The following SDK1 variants were observed in gnomAD, a reference collection of about 807,000 sequenced individuals.
SDK1 encodes protein sidekick-1.
A neutral mutation model predicts 245.5 loss-of-function variants in SDK1; 157 were observed. The ratio of observed to expected loss-of-function variants is 0.64; its 90% CI spans 0.56 to 0.73. SDK1 has a LOEUF of 0.73. SDK1 is among the 30% of genes least tolerant of loss of function. SDK1 has a pLI of 0.00. For synonymous variants in SDK1, 1,647 were observed against 1,278.5 expected, an observed-to-expected ratio of 1.29 and a Z score of -6.15; for missense variants, 3,583 against 3,002.3, an observed-to-expected ratio of 1.19 and a Z score of -4.52.
At chr7:3,896,637 C>CT (rs1399253909) in intron 5 of SDK1, among the ~76,000 whole-genome samples, 1 of 152,208 alleles carries the variant, frequency 6.6e-6, no homozygotes, top group Non-Finnish European at 1.5e-5. Context: ...GAGCTGGACA[C>CT]TCTTTTGTTT....
chr7:3,487,458 A>C (rs1024682397), intron 1 of SDK1, among the ~76,000 whole-genome samples: 1 of 152,062 alleles, frequency 6.6e-6, no homozygotes, highest in Non-Finnish European at 1.5e-5. Flanking sequence ...AGAAATTGCA[A>C]TGGCTGTGCA....
At chr7:3,641,747 C>T (rs544326430) in intron 3 of SDK1, among the ~76,000 whole-genome samples, 11 of 152,344 alleles carry the variant, frequency 7.2e-5, no homozygotes, top group East Asian at 1.9e-4. Flanking sequence ...GAATGTGCAG[C>T]GTGGGCGCTT....
intron 2 of SDK1, among the ~76,000 whole-genome samples, chr7:3,630,750 AAAAG>A (rs1253145500): frequency 6.6e-6 from 1 of 152,234 alleles, no homozygotes; most frequent in African/African-American, 2.4e-5. Flanking sequence ...AGAGAGAAGA[AAAAG>A]AAGACCTAAA....
rs531633965 is a variant in SDK1, at chr7:3,470,020, G to A, written c.299-149060G>A. ...CATGCAGTAATATCAATGGCCAGAAGCAACTGCTTTTCTTTCATTCATTTT... is the reference window on the plus strand; with the variant it reads ...CATGCAGTAATATCAATGGCCAGAAACAACTGCTTTTCTTTCATTCATTTT... On this transcript the variant is annotated intron_variant, in intron 1 of 44. Transcript: ENST00000404826. Among the ~76,000 whole-genome samples the A allele has an allele frequency of 2.0e-5, 3 of 152,232 alleles. No homozygotes were observed. The South Asian group carries it at 6.2e-4, about 32-fold the overall frequency.
chr7:3,673,469 T>G (rs1240957509), intron 4 of SDK1, among the ~76,000 whole-genome samples: 1 of 152,228 alleles, frequency 6.6e-6, no homozygotes, highest in African/African-American at 2.4e-5. Context: ...GTGAGAACCT[T>G]AAAACTCATA....
chr7:3,966,658 G>C (rs956509511), intron 9 of SDK1, among the ~76,000 whole-genome samples: 1 of 152,044 alleles, frequency 6.6e-6, no homozygotes, highest in Non-Finnish European at 1.5e-5. Context: ...TCTTGTGGAT[G>C]ACATTTTGTA....
At chr7:4,261,719 A>G (rs1328828399) in intron 44 of SDK1, among the ~76,000 whole-genome samples, 1 of 152,002 alleles carries the variant, frequency 6.6e-6, no homozygotes, top group African/African-American at 2.4e-5. Context: ...AAGGCCGCTC[A>G]CTCTTTTACC....
rs540703231 is a variant in SDK1 at position 3,417,359 on chromosome 7, A to G, written c.298+115475A>G. Among the ~76,000 whole-genome samples, 117 of 152,248 alleles carry G rather than the reference A, an allele frequency of 7.7e-4. 1 individual carries two copies. Among genetic ancestry groups the G allele is most frequent in the African/African-American group, 2.7e-3 (113 of 41,528 alleles). On this transcript the variant is annotated intron_variant, in intron 1 of 44. Transcript: ENST00000404826. ...CGACTCTTCGTCTTCTTTCTGCTGC[A>G]TGTGGTCTGACCATCTTAGTTCTCA...
At chr7:3,557,994 C>T (rs932022428) in intron 1 of SDK1, among the ~76,000 whole-genome samples, 2 of 150,564 alleles carry the variant, frequency 1.3e-5, no homozygotes, top group Non-Finnish European at 3.0e-5. Context: ...AGTTTTGTTT[C>T]CCTCCCCCAC....
At chr7:3,633,983 C>T (rs891167216) in intron 2 of SDK1, among the ~76,000 whole-genome samples, 1 of 152,072 alleles carries the variant, frequency 6.6e-6, no homozygotes, top group African/African-American at 2.4e-5. Context: ...CTCCACTGTG[C>T]CCCCACCACC....
chr7:3,959,099 C>G, intron 8 of SDK1, 85 bp downstream of exon 8: 1 of 1,033,970 alleles, frequency 9.7e-7, no homozygotes, highest in Non-Finnish European at 1.5e-6. Flanking sequence ...TGCCATCATT[C>G]TAGGGAGACA....
intron 1 of SDK1, among the ~76,000 whole-genome samples, chr7:3,583,074 G>A (rs1408417223): frequency 6.6e-6 from 1 of 152,172 alleles, no homozygotes; most frequent in Non-Finnish European, 1.5e-5. Context: ...GGGAGTAAAA[G>A]CATTTGGACA....
intron 1 of SDK1, among the ~76,000 whole-genome samples, chr7:3,346,280 G>A (rs982443555): frequency 6.6e-6 from 1 of 152,134 alleles, no homozygotes; most frequent in Admixed American, 6.5e-5. Flanking sequence ...GGCTGGTTTC[G>A]GTGGGTGGGG....
chr7:3,777,542 A>G (rs1214252201), intron 4 of SDK1, among the ~76,000 whole-genome samples: 1 of 152,180 alleles, frequency 6.6e-6, no homozygotes, highest in African/African-American at 2.4e-5. Flanking sequence ...TCAGGTTGCC[A>G]CAGCATTCCT....
chr7:4,141,028 C>G (rs1458478795), intron 28 of SDK1, among the ~76,000 whole-genome samples: 1 of 152,172 alleles, frequency 6.6e-6, no homozygotes, highest in African/African-American at 2.4e-5. Flanking sequence ...GGGTCAGGAG[C>G]CAGGTCTCCC....
intron 1 of SDK1, among the ~76,000 whole-genome samples, chr7:3,383,333 C>T (rs1781535817): frequency 6.6e-6 from 1 of 152,026 alleles, no homozygotes; most frequent in South Asian, 2.1e-4. Flanking sequence ...ATCACTTGAG[C>T]CCCAGAGGTT....
intron 1 of SDK1, among the ~76,000 whole-genome samples, chr7:3,515,223 C>A (rs934852596): frequency 2.6e-5 from 4 of 152,010 alleles, no homozygotes; most frequent in Non-Finnish European, 4.4e-5. Flanking sequence ...GACTCTGAGC[C>A]CATTGTGACC....
intron 20 of SDK1, among the ~76,000 whole-genome samples, chr7:4,075,814 A>T (rs1161611563): frequency 1.3e-5 from 2 of 151,944 alleles, no homozygotes; most frequent in Non-Finnish European, 2.9e-5. Flanking sequence ...ACCACCATGC[A>T]TGGCTAATTT....
intron 38 of SDK1, among the ~76,000 whole-genome samples, chr7:4,218,404 G>A (rs985760191): frequency 2.7e-4 from 41 of 150,860 alleles, no homozygotes; most frequent in African/African-American, 9.0e-4. Context: ...AAAAAAAAAA[G>A]CCAAAATTGC....
Sources: allele counts gnomAD v4.1 joint callset (sites outside exome capture counted in the v4.1 genomes callset), GRCh38; gene constraint gnomAD v4.1.1; transcripts MANE v1.5; gene names NCBI Gene and HGNC (gene_info 2026-07-23, HGNC 2026-07-21).